The following AKT3 variants were observed in gnomAD, a reference collection of about 807,000 sequenced individuals.
AKT3 encodes RAC-gamma serine/threonine-protein kinase.
Under a neutral mutation model 65.3 loss-of-function variants are expected in AKT3, and 15 were observed. The ratio of observed to expected loss-of-function variants is 0.23; its 90% CI spans 0.15 to 0.35. The LOEUF (loss-of-function observed/expected upper bound fraction) is 0.35, where lower values mean the gene tolerates loss of function less well. Among genes scored for constraint, AKT3 ranks in the 10% least tolerant of loss-of-function variants. The pLI, the probability that AKT3 is intolerant of heterozygous loss-of-function variation, is 1.00. For missense variants in AKT3, 243 were observed against 576.5 expected (o/e 0.42, Z 5.92); for synonymous variants, 206 against 183.8 (o/e 1.12, Z -0.98).
At chr1:243,698,226 G>T (rs1685182900) in intron 2 of AKT3, among the ~76,000 whole-genome samples, 1 of 151,718 alleles carries the variant, frequency 6.6e-6, no homozygotes, top group Admixed American at 6.6e-5. Context: ...AAATGTTGTT[G>T]TACAGCAATA....
chr1:243,814,634 C>T (rs1470514920), intron 2 of AKT3: 1 of 152,248 alleles, frequency 6.6e-6, no homozygotes, highest in African/African-American at 2.4e-5. Flanking sequence ...CAAATGTTCT[C>T]CCCCAACCCC....
rs1343448961 is a variant in AKT3 at position 243,500,189 on chromosome 1, C to CT, written c.*5059dup. The CT allele has an allele frequency of 4.2e-5, 11 of 259,752 alleles. No homozygotes were observed. The East Asian group carries it at 6.1e-4, about 14-fold the overall frequency. The allele number at this position is 259,752 out of a possible 1,614,324, so 16.1% of individuals were successfully genotyped here. On this transcript the variant is annotated 3_prime_UTR_variant, in exon 14 of 14. Transcript: ENST00000673466. ...AGGCCAAAGTATATTAAGGACCAAACTTTTTTTCCTGCCATTCATTTTTCT... is the reference window on the plus strand; with the variant it reads ...AGGCCAAAGTATATTAAGGACCAAACTTTTTTTTCCTGCCATTCATTTTTCT...
chr1:243,730,529 A>C (rs891032823), intron 2 of AKT3, among the ~76,000 whole-genome samples: 2 of 152,136 alleles, frequency 1.3e-5, no homozygotes, highest in Non-Finnish European at 2.9e-5. Flanking sequence ...CTGGGGGCCG[A>C]GACATCAGGA....
rs114588058 is a variant in AKT3, at chr1:243,719,509, A to T, written c.47-23793T>A. ...TGAGAAGTATATTTTGAGTAAACTA[A>T]ATTACATACTCAAATCACTGTTGAG... is the stretch of plus-strand genomic sequence containing the variant. On this transcript the variant is annotated intron_variant, in intron 2 of 13. Transcript: ENST00000673466. 9.2e-3 allele frequency among the ~76,000 whole-genome samples: 1,405 copies of T among 152,292 alleles called. 21 individuals carry two copies. Among genetic ancestry groups the T allele is most frequent in the African/African-American group, 0.032 (1,332 of 41,554 alleles).
chr1:243,754,250 T>A (rs1295303303), intron 2 of AKT3, among the ~76,000 whole-genome samples: 2 of 152,230 alleles, frequency 1.3e-5, no homozygotes, highest in African/African-American at 4.8e-5. Context: ...GGAGTCATTA[T>A]TTTCTTGGTT....
intron 2 of AKT3, among the ~76,000 whole-genome samples, chr1:243,805,408 C>A (rs1692661871): frequency 6.6e-6 from 1 of 152,162 alleles, no homozygotes; most frequent in Admixed American, 6.5e-5. Flanking sequence ...ATCACATATA[C>A]AAAAATTTTC....
rs771486638 is a variant in AKT3 at position 243,754,845 on chromosome 1, C to T, written c.47-59129G>A. Among the ~76,000 whole-genome samples, 16 of 152,212 alleles carry T rather than the reference C, an allele frequency of 1.1e-4. No individual in the cohort carries two copies. In the East Asian group the frequency reaches 2.5e-3, roughly 24 times the overall value. On this transcript the variant is annotated intron_variant, in intron 2 of 13. Coordinates refer to ENST00000673466, the MANE Select transcript of AKT3 (RefSeq NM_005465.7). ...AGAAGGCTGGAGACAGCTGACCTCA[C>T]GGGCAGAAGCCAGGGATGCTGCTAA...
chr1:243,838,455 CTT>C (rs1695033474), intron 2 of AKT3, among the ~76,000 whole-genome samples: 1 of 151,824 alleles, frequency 6.6e-6, no homozygotes, highest in East Asian at 1.9e-4. Flanking sequence ...CATTTTATAA[CTT>C]ATTTCTAAAG....
chr1:243,764,839 G>A (rs1190832333), intron 2 of AKT3, among the ~76,000 whole-genome samples: 2 of 152,008 alleles, frequency 1.3e-5, no homozygotes, highest in East Asian at 1.9e-4. Flanking sequence ...TGACAAAAAC[G>A]TCTGCATCAG....
chr1:243,553,628 A>T (rs1186710179), intron 10 of AKT3, among the ~76,000 whole-genome samples: 1 of 152,196 alleles, frequency 6.6e-6, no homozygotes, highest in African/African-American at 2.4e-5. Flanking sequence ...CAGCAAAAAA[A>T]ATGGACTTAA....
chr1:243,752,196 A>T (rs1414447846), intron 2 of AKT3, among the ~76,000 whole-genome samples: 1 of 152,232 alleles, frequency 6.6e-6, no homozygotes, highest in Non-Finnish European at 1.5e-5. Context: ...TTTTAAACTG[A>T]AAAGTACAAA....
intron 2 of AKT3, among the ~76,000 whole-genome samples, chr1:243,731,887 A>T (rs1687592995): frequency 6.6e-6 from 1 of 152,196 alleles, no homozygotes; most frequent in Admixed American, 6.5e-5. Flanking sequence ...AAATGGGAAA[A>T]CACTCAGTGA....
chr1:243,516,428 TTTTCC>T (rs1670358288), intron 12 of AKT3, among the ~76,000 whole-genome samples: 1 of 152,200 alleles, frequency 6.6e-6, no homozygotes, highest in Non-Finnish European at 1.5e-5. Context: ...AAAAGCCCAG[TTTTCC>T]TTTCATCAAT....
At chr1:243,534,375 G>A (rs939197962) in intron 12 of AKT3, among the ~76,000 whole-genome samples, 11 of 152,142 alleles carry the variant, frequency 7.2e-5, no homozygotes, top group African/African-American at 2.2e-4. Context: ...ATCAAAATAC[G>A]TGAGGCAAAA....
intron 2 of AKT3, among the ~76,000 whole-genome samples, chr1:243,710,149 T>A (rs557503288): frequency 2.0e-5 from 3 of 152,138 alleles, no homozygotes; most frequent in Non-Finnish European, 4.4e-5. Context: ...CAAATATACA[T>A]TAAAGCTAGA....
intron 2 of AKT3, among the ~76,000 whole-genome samples, chr1:243,722,939 A>G (rs1259639911): frequency 6.6e-6 from 1 of 152,214 alleles, no homozygotes; most frequent in Non-Finnish European, 1.5e-5. Context: ...TTCATTTAAA[A>G]TGTTCAATGT....
intron 2 of AKT3, among the ~76,000 whole-genome samples, chr1:243,770,530 A>G (rs987687472): frequency 6.6e-6 from 1 of 152,110 alleles, no homozygotes; most frequent in Non-Finnish European, 1.5e-5. Context: ...CTGCATGTAT[A>G]TGAGAAGACA....
intron 2 of AKT3, among the ~76,000 whole-genome samples, chr1:243,771,393 C>A (rs527741188): frequency 6.6e-6 from 1 of 152,250 alleles, no homozygotes; most frequent in South Asian, 2.1e-4. Context: ...AGCCCTGGCA[C>A]ATGTAAGTAC....
intron 1 of AKT3, 22 bp from the exon 2 acceptor site, chr1:243,843,304 A>G: frequency 2.2e-6 from 3 of 1,392,702 alleles, no homozygotes; most frequent in Non-Finnish European, 2.8e-6. Context: ...TATTGAAGAA[A>G]GAATTTTTTT....
Sources: gnomAD v4.1 joint callset for allele counts (sites outside exome capture counted in the v4.1 genomes callset) on GRCh38, gnomAD v4.1.1 for gene constraint, MANE v1.5 for transcripts, NCBI Gene and HGNC (gene_info 2026-07-23, HGNC 2026-07-21) for gene names.